The following KCNH7 variants were observed in gnomAD, a reference collection of about 807,000 sequenced individuals.
KCNH7 encodes voltage-gated inwardly rectifying potassium channel KCNH7.
Under a neutral mutation model 120.8 loss-of-function variants are expected in KCNH7, and 49 were observed. The observed-to-expected ratio is 0.41, with a 90% confidence interval of 0.32 to 0.51. KCNH7 has a LOEUF of 0.51. Among genes scored for constraint, KCNH7 ranks in the 20% least tolerant of loss-of-function variants. The pLI is 0.38. For missense variants in KCNH7, 1,097 were observed against 1,446.6 expected (o/e 0.76, Z 3.92); for synonymous variants, 547 against 516.1 (o/e 1.06, Z -0.81).
chr2:162,770,858 G>A (rs1164990490), intron 2 of KCNH7, among the ~76,000 whole-genome samples: 4 of 152,094 alleles, frequency 2.6e-5, no homozygotes, highest in Non-Finnish European at 5.9e-5. Context: ...ACTGGACCCA[G>A]ATCTGAACAA....
At position 162,526,127 on chromosome 2, in the gene KCNH7, C is replaced by T. The variant is rs367756763; in HGVS notation, c.464-7969G>A. On this transcript the variant is annotated intron_variant, in intron 3 of 15. Coordinates refer to ENST00000332142, the MANE Select transcript of KCNH7 (RefSeq NM_033272.4). ...TCACATGTTGGCAGGTTCCGTGATG[C>T]CCCCTGAGCTGTAAAACCAGCAAGT... 5.3e-4 allele frequency among the ~76,000 whole-genome samples: 81 copies of T among 151,888 alleles called. 4 individuals are homozygous for T. In the South Asian group the frequency reaches 5.6e-3, roughly 11 times the overall value.
At chr2:162,590,609 A>G (rs1195905900) in intron 2 of KCNH7, among the ~76,000 whole-genome samples, 1 of 152,102 alleles carries the variant, frequency 6.6e-6, no homozygotes, top group Non-Finnish European at 1.5e-5. Flanking sequence ...AATACTTTAG[A>G]GTTATTGTTT....
chr2:162,474,715 A>C (rs1689676261), intron 6 of KCNH7, among the ~76,000 whole-genome samples: 1 of 152,186 alleles, frequency 6.6e-6, no homozygotes, highest in Non-Finnish European at 1.5e-5. Flanking sequence ...GTTGCTCTGG[A>C]GGAAACCAGC....
chr2:162,838,587 A>G lies in KCNH7; in HGVS notation c.-69T>C. 1.5e-6 allele frequency: 2 copies of G among 1,316,666 alleles called. No individual in the cohort carries two copies. Among genetic ancestry groups the G allele is most frequent in the Non-Finnish European group, 2.1e-6 (2 of 934,196 alleles). 81.6% of individuals were successfully genotyped at this position (1,316,666 alleles called of 1,614,324 possible). A position where few individuals can be genotyped will look rare whatever the true frequency, so the allele number is the denominator to read the frequency against. On this transcript the variant is annotated 5_prime_UTR_variant, in exon 1 of 16. The change abolishes the stop of an existing upstream ORF in the 5' untranslated region. Transcript: ENST00000332142. ...GTTCTCCCGGGATCTCTCCTCGGCT[A>G]GAGCCCAGGCCAGCGCGCGAGCCGC...
At chr2:162,709,599 C>G (rs140621169) in intron 2 of KCNH7, among the ~76,000 whole-genome samples, 1 of 152,112 alleles carries the variant, frequency 6.6e-6, no homozygotes, top group East Asian at 1.9e-4. Flanking sequence ...TCAAGGTCCA[C>G]TACATTCTGT....
intron 2 of KCNH7, among the ~76,000 whole-genome samples, chr2:162,792,628 T>A (rs568503779): frequency 2.7e-3 from 416 of 151,966 alleles, no homozygotes; most frequent in African/African-American, 5.3e-3. Context: ...AGTGGTAATG[T>A]CCCCTTTGTT....
intron 2 of KCNH7, among the ~76,000 whole-genome samples, chr2:162,819,555 G>A (rs1685031519): frequency 6.6e-6 from 1 of 152,262 alleles, no homozygotes; most frequent in Admixed American, 6.5e-5. Context: ...TAATTAAAAT[G>A]ATACTAGTAA....
chr2:162,709,352 A>C (rs1686837608), intron 2 of KCNH7, among the ~76,000 whole-genome samples: 1 of 152,100 alleles, frequency 6.6e-6, no homozygotes, highest in African/African-American at 2.4e-5. Flanking sequence ...CTAGATCCAG[A>C]AGCTCATTCC....
rs76704717 is a variant in KCNH7, at chr2:162,444,381, C to T, written c.1554+1637G>A. Among the ~76,000 whole-genome samples, 9 of 152,160 alleles carry T rather than the reference C, an allele frequency of 5.9e-5. No homozygotes were observed. In the East Asian group the frequency reaches 1.4e-3, roughly 23 times the overall value. On this transcript the variant is annotated intron_variant, in intron 7 of 15. Transcript: ENST00000332142. ...GTAATGCAGAAAATAGAACTGAGAG[C>T]ATCACTGAACAATTCTAGGTTTCAA...
intron 2 of KCNH7, among the ~76,000 whole-genome samples, chr2:162,777,606 A>G (rs1460287264): frequency 2.0e-5 from 3 of 152,138 alleles, no homozygotes; most frequent in African/African-American, 7.2e-5. Flanking sequence ...AGTGCTTTAC[A>G]TATACTCACT....
At chr2:162,513,162 T>TCCCTCCCTTCTTTCCCG (rs2105774006) in intron 4 of KCNH7, among the ~76,000 whole-genome samples, 1 of 41,690 alleles carries the variant, frequency 2.4e-5, no homozygotes, top group South Asian at 1.4e-3. Context: ...CCTCCCTCCC[T>TCCCTCCCTTCTTTCCCG]CCCTCCCTTC....
chr2:162,394,768 T>A (rs1355022828), intron 11 of KCNH7, among the ~76,000 whole-genome samples: 1 of 151,930 alleles, frequency 6.6e-6, no homozygotes, highest in Non-Finnish European at 1.5e-5. Flanking sequence ...AAAGATAAAA[T>A]ATTTCTTTAT....
intron 2 of KCNH7, among the ~76,000 whole-genome samples, chr2:162,807,388 T>C (rs939393862): frequency 4.7e-5 from 7 of 150,246 alleles, no homozygotes; most frequent in African/African-American, 1.7e-4. Context: ...AATGAGCCGA[T>C]ATGGTGCCAC....
intron 2 of KCNH7, among the ~76,000 whole-genome samples, chr2:162,541,004 T>A: frequency 6.6e-6 from 1 of 151,982 alleles, no homozygotes. Flanking sequence ...CATAAGATAA[T>A]GAGAGGTGTC....
intron 2 of KCNH7, among the ~76,000 whole-genome samples, chr2:162,831,660 C>T (rs1363694680): frequency 6.6e-6 from 1 of 152,172 alleles, no homozygotes; most frequent in African/African-American, 2.4e-5. Flanking sequence ...CAAACAACAA[C>T]AGCAACAAAA....
At chr2:162,565,497 A>G (rs1361358839) in intron 2 of KCNH7, among the ~76,000 whole-genome samples, 2 of 152,066 alleles carry the variant, frequency 1.3e-5, no homozygotes, top group African/African-American at 4.8e-5. Flanking sequence ...AAAGGATGAC[A>G]GTTTTTACTG....
chr2:162,537,001 A>G lies in KCNH7; in HGVS notation c.387T>C (p.Phe129=). The stretch of plus-strand genomic sequence containing the variant: ...CGTTTTCATTATCCGTCACATATTC[A>G]AAATTAATGATGAACATCATAGCCA... The part of the protein sequence containing the change: ...EGVAMMFIIN[F]EYVTDNENAA... The change falls in exon 3 of 16, where the codon TTT becomes TTC. Residue 129 remains phenylalanine (F), a synonymous_variant. Transcript: ENST00000332142. The G allele has an allele frequency of 6.2e-7, 1 of 1,612,886 alleles. No homozygotes were observed. Among genetic ancestry groups the G allele is most frequent in the Non-Finnish European group, 8.5e-7 (1 of 1,179,152 alleles).
At chr2:162,701,234 A>G (rs1465940113) in intron 2 of KCNH7, among the ~76,000 whole-genome samples, 1 of 152,144 alleles carries the variant, frequency 6.6e-6, no homozygotes, top group Non-Finnish European at 1.5e-5. Flanking sequence ...GTTATTTTTC[A>G]TTTATAGTTT....
At chr2:162,523,596 T>A (rs988417207) in intron 3 of KCNH7, among the ~76,000 whole-genome samples, 2 of 151,806 alleles carry the variant, frequency 1.3e-5, no homozygotes, top group Admixed American at 6.6e-5. Flanking sequence ...TTGATTCTCA[T>A]CTATTACAGT....
Sources: allele counts gnomAD v4.1 joint callset (sites outside exome capture counted in the v4.1 genomes callset), GRCh38; gene constraint gnomAD v4.1.1; transcripts MANE v1.5; gene names NCBI Gene and HGNC (gene_info 2026-07-23, HGNC 2026-07-21).